Variants in ZNF146 observed in about 807,000 individuals in gnomAD.
The protein encoded by ZNF146 is zinc finger protein OZF.
In ZNF146, 9 loss-of-function variants were observed where a neutral mutation model predicts 22.2. The observed-to-expected ratio is 0.41, with a 90% CI of 0.24 to 0.71. The LOEUF is 0.71. Ranked by LOEUF, ZNF146 falls within the 30% of genes least tolerant of loss-of-function variation. ZNF146 has a pLI of 0.34. For missense variants in ZNF146, 194 were observed against 344.8 expected (o/e 0.56, Z 3.46); for synonymous variants, 108 against 119.2 (o/e 0.91, Z 0.61).
chr19:36,237,183 C>T lies in ZNF146; in HGVS notation c.743C>T (p.Ala248Val). ...TATGGTTGTAATGAATGTGGGAAAG[C>T]TTTCTCTCAGTTCTCAACCCTTGCT... Reference protein sequence around the residue: ...KPYGCNECGKAFSQFSTLALH... With the variant: ...KPYGCNECGKVFSQFSTLALH... The change falls in exon 4 of 4, where the codon GCT (alanine) becomes GTT (valine). Residue 248 changes from alanine to valine, a missense_variant. Ala to Val is a moderately conservative substitution (Grantham distance 64). This residue lies in a region of ZNF146 where 147 missense variants were observed against 300.1 expected (regional missense o/e 0.49). Transcript: ENST00000443387. 1.2e-6 allele frequency: 2 copies of T among 1,614,172 alleles called. No individual in the cohort carries two copies. Among genetic ancestry groups the T allele is most frequent in the Non-Finnish European group, 1.7e-6 (2 of 1,180,018 alleles).
At chr19:36,214,764 C>G (rs1161512953), upstream of ZNF146, 6 of 152,688 alleles carry the variant, frequency 3.9e-5, no homozygotes, top group Non-Finnish European at 8.8e-5. Flanking sequence ...ATGGCGTTCT[C>G]TTATCTCTGA....
intron 2 of ZNF146, among the ~76,000 whole-genome samples, chr19:36,224,546 C>T (rs1976992170): frequency 6.6e-6 from 1 of 152,136 alleles, no homozygotes; most frequent in Admixed American, 6.5e-5. Context: ...TATCTTTTTA[C>T]TATTGAGGCT....
At chr19:36,223,902 C>T (rs1474222930) in intron 2 of ZNF146, among the ~76,000 whole-genome samples, 1 of 151,834 alleles carries the variant, frequency 6.6e-6, no homozygotes, top group Non-Finnish European at 1.5e-5. Context: ...AGGCTGGTCT[C>T]AAACTCCTGG....
rs141907250 is a variant in ZNF146, at chr19:36,221,905, G to A, written c.-855+3710G>A. ...TTCTTTAATAACAGTATGTCCTAGA[G>A]ATAGCCCTTCCTTTTTTCTTTCTTT... On this transcript the variant is annotated intron_variant, in intron 2 of 3. Transcript: ENST00000443387. Among the ~76,000 whole-genome samples the A allele has an allele frequency of 7.0e-3, 1,029 of 147,418 alleles. 10 individuals are homozygous for A. Among genetic ancestry groups the A allele is most frequent in the African/African-American group, 0.024 (954 of 40,264 alleles).
chr19:36,229,255 C>T (rs751832413), intron 3 of ZNF146, among the ~76,000 whole-genome samples: 4 of 152,164 alleles, frequency 2.6e-5, no homozygotes, highest in Non-Finnish European at 2.9e-5. Flanking sequence ...TCACACTTCC[C>T]GTTGTCTTCT....
At chr19:36,216,151 A>G (rs1419534825) in intron 1 of ZNF146, among the ~76,000 whole-genome samples, 1 of 152,228 alleles carries the variant, frequency 6.6e-6, no homozygotes, top group East Asian at 1.9e-4. Flanking sequence ...TACAAATATC[A>G]GTTAGAATAC....
chr19:36,224,850 A>G (rs1977002282), intron 2 of ZNF146, among the ~76,000 whole-genome samples: 1 of 152,020 alleles, frequency 6.6e-6, no homozygotes, highest in African/African-American at 2.4e-5. Flanking sequence ...AATTTTTTTC[A>G]TACAGGTTTG....
At chr19:36,218,822 AG>A (rs1202964578) in intron 2 of ZNF146, among the ~76,000 whole-genome samples, 1 of 128,712 alleles carries the variant, frequency 7.8e-6, no homozygotes, top group Non-Finnish European at 1.6e-5. Flanking sequence ...TTTTTGGTGG[AG>A]GGGGGGACAG....
chr19:36,215,512 T>C (rs984875673), intron 1 of ZNF146, among the ~76,000 whole-genome samples: 2 of 152,252 alleles, frequency 1.3e-5, no homozygotes, highest in Non-Finnish European at 2.9e-5. Context: ...TCGAAAGTGC[T>C]GATAATTATA....
chr19:36,230,684 AAG>A (rs1977305191), intron 3 of ZNF146, among the ~76,000 whole-genome samples: 1 of 152,140 alleles, frequency 6.6e-6, no homozygotes, highest in African/African-American at 2.4e-5. Flanking sequence ...CGTGGGCTGG[AAG>A]AGAGAGGGCA....
chr19:36,223,726 T>G (rs1976960027), intron 2 of ZNF146, among the ~76,000 whole-genome samples: 1 of 152,146 alleles, frequency 6.6e-6, no homozygotes, highest in African/African-American at 2.4e-5. Context: ...TATTTTCAAA[T>G]TCTTATAAAG....
chr19:36,217,912 T>TA (rs1976679611), intron 1 of ZNF146, among the ~76,000 whole-genome samples: 4 of 150,544 alleles, frequency 2.7e-5, no homozygotes, highest in African/African-American at 7.3e-5. Context: ...ATTCAAAAGA[T>TA]ACATACGAAA....
At chr19:36,216,223 T>G (rs1976599051) in intron 1 of ZNF146, among the ~76,000 whole-genome samples, 1 of 152,154 alleles carries the variant, frequency 6.6e-6, no homozygotes, top group Non-Finnish European at 1.5e-5. Flanking sequence ...TGGAAGAAAC[T>G]TAAAGGTTCA....
chr19:36,217,362 C>T (rs1976655631), intron 1 of ZNF146, among the ~76,000 whole-genome samples: 1 of 150,984 alleles, frequency 6.6e-6, no homozygotes, highest in Non-Finnish European at 1.5e-5. Flanking sequence ...GGTGCCTGGC[C>T]GACCCTGTCT....
chr19:36,216,776 A>T (rs10405434), intron 1 of ZNF146, among the ~76,000 whole-genome samples: 6,202 of 152,224 alleles, frequency 0.041, 402 homozygotes, highest in African/African-American at 0.14. Context: ...GTACAGACTG[A>T]GAAAGAAAAG....
chr19:36,230,449 ATAAAG>A lies in ZNF146; in HGVS notation c.-783+1634_-783+1638del, dbSNP rs368696740. ...ATAGTGATAAGTGCTATGGAAAAGAATAAAGTAAGGGAAAACCGGTATAGAGAGGG... is the reference window on the plus strand; with the variant it reads ...ATAGTGATAAGTGCTATGGAAAAGAATAAGGGAAAACCGGTATAGAGAGGG... On this transcript the variant is annotated intron_variant, in intron 3 of 3. Coordinates refer to ENST00000443387, the MANE Select transcript of ZNF146 (RefSeq NM_007145.3). Among the ~76,000 whole-genome samples the A allele has an allele frequency of 9.0e-4, 137 of 152,348 alleles. No individual in the cohort carries two copies. In the East Asian group the frequency reaches 0.018, roughly 20 times the overall value.
At chr19:36,215,696 C>A (rs1266092259) in intron 1 of ZNF146, among the ~76,000 whole-genome samples, 1 of 151,796 alleles carries the variant, frequency 6.6e-6, no homozygotes, top group Non-Finnish European at 1.5e-5. Flanking sequence ...TTCGAAGGAA[C>A]TTTAGTTTCG....
chr19:36,226,097 A>G (rs957783794), intron 2 of ZNF146, among the ~76,000 whole-genome samples: 1 of 152,182 alleles, frequency 6.6e-6, no homozygotes. Flanking sequence ...CTGTGTCTTC[A>G]GCAGCAGTAA....
At chr19:36,220,098 G>A (rs370370193) in intron 2 of ZNF146, among the ~76,000 whole-genome samples, 1 of 152,242 alleles carries the variant, frequency 6.6e-6, no homozygotes, top group East Asian at 1.9e-4. Context: ...CTGCAGGCTT[G>A]TATCTTCCTC....
Sources: allele counts gnomAD v4.1 joint callset (sites outside exome capture counted in the v4.1 genomes callset), GRCh38; gene constraint gnomAD v4.1.1; regional missense constraint gnomAD v4.1.1; transcripts MANE v1.5; gene names NCBI Gene and HGNC (gene_info 2026-07-23, HGNC 2026-07-21).